CENPE: variants seen among roughly 807,000 people sequenced by gnomAD.
The protein encoded by CENPE is centromere-associated protein E.
In CENPE, 145 loss-of-function variants were observed where a neutral mutation model predicts 336.1. That is an observed-to-expected ratio of 0.43 (90% confidence interval 0.38 to 0.50). CENPE has a LOEUF of 0.50. Ranked by LOEUF, CENPE falls within the 20% of genes least tolerant of loss-of-function variation. CENPE has a pLI of 0.00. For missense variants in CENPE, 2,719 were observed against 3,023.3 expected (o/e 0.90, Z 2.36); for synonymous variants, 1,013 against 984.8 (o/e 1.03, Z -0.54).
In CENPE at chr4:103,147,489, T is replaced by A. The variant is rs376206224; in HGVS notation, c.4001A>T (p.Asn1334Ile). The change falls in exon 29 of 49, where the codon AAT becomes ATT. Residue 1334 changes from asparagine (N) to isoleucine (I), a missense_variant. Around this residue, in one of 5 missense-constraint regions of CENPE, gnomAD observed 2,437 missense variants for 2,513.3 expected, o/e 0.97. Transcript: ENST00000265148. ...ARIEMERLRL[N>I]EKFQESQEEI... ...TTCCTGACTTTCTTGAAATTTTTCA[T>A]TCAACCTGAGCCTTTCCATTTCTAT... The A allele has an allele frequency of 1.9e-6, 3 of 1,614,018 alleles. No homozygotes were observed. The highest frequency in any genetic ancestry group is 2.5e-6 in the Non-Finnish European group (3 of 1,180,024).
chr4:103,159,099 C>G lies in CENPE; in HGVS notation c.2512G>C (p.Glu838Gln). The part of the protein sequence containing the change: ...DFEQKYKMVL[E>Q]ENERMNQEIV... ...TCCTGATTCATTCTCTCATTCTCCT[C>G]AAGGACCATCTTATACTTTTGCTCA... The change falls in exon 22 of 49, where the codon GAG (glutamate) becomes CAG (glutamine). Residue 838 changes from glutamate (E) to glutamine (Q), a missense_variant. By Grantham distance (29) the Glu-to-Gln change is conservative. Around this residue, in one of 5 missense-constraint regions of CENPE, gnomAD observed 2,437 missense variants for 2,513.3 expected, o/e 0.97. Transcript: ENST00000265148. The G allele has an allele frequency of 1.3e-6, 2 of 1,590,698 alleles. No homozygotes were observed. Among genetic ancestry groups the G allele is most frequent in the Non-Finnish European group, 1.7e-6 (2 of 1,172,374 alleles).
intron 43 of CENPE, 48 bp downstream of exon 43, chr4:103,122,823 C>T: frequency 7.1e-7 from 1 of 1,404,966 alleles, no homozygotes; most frequent in Non-Finnish European, 1.0e-6. Context: ...GCTCTAAACT[C>T]TGTGATGAAG....
intron 44 of CENPE, 30 bp downstream of exon 44, chr4:103,120,118 A>G: frequency 6.6e-7 from 1 of 1,509,060 alleles, no homozygotes; most frequent in South Asian, 1.2e-5. Flanking sequence ...ACAAACAAAC[A>G]AACAACTTTT....
intron 26 of CENPE, among the ~76,000 whole-genome samples, chr4:103,150,164 A>T (rs1753418024): frequency 6.6e-6 from 1 of 152,314 alleles, no homozygotes; most frequent in African/African-American, 2.4e-5. Context: ...AAATACTGAG[A>T]CATTAACCTT....
intron 25 of CENPE, 76 bp downstream of exon 25, chr4:103,152,971 C>T: frequency 1.9e-6 from 2 of 1,048,526 alleles, no homozygotes; most frequent in South Asian, 1.6e-5. Context: ...ATAAATTATA[C>T]CTCAATAAAG....
intron 44 of CENPE, among the ~76,000 whole-genome samples, chr4:103,118,033 T>A (rs1217727045): frequency 6.6e-6 from 1 of 152,216 alleles, no homozygotes; most frequent in African/African-American, 2.4e-5. Flanking sequence ...ACAGCTGCTA[T>A]TAACATACAC....
At chr4:103,117,530 T>C (rs1750236700) in intron 44 of CENPE, among the ~76,000 whole-genome samples, 1 of 152,026 alleles carries the variant, frequency 6.6e-6, no homozygotes, top group Non-Finnish European at 1.5e-5. Context: ...TTTCTAAAAA[T>C]GTCATATACT....
At chr4:103,117,622 CTTTT>C (rs771337112) in intron 44 of CENPE, among the ~76,000 whole-genome samples, 1 of 115,062 alleles carries the variant, frequency 8.7e-6, no homozygotes, top group Non-Finnish European at 1.8e-5. Context: ...ATTTTCTTTC[CTTTT>C]TTTTTTTTTT....
chr4:103,191,636 C>G (rs530693231), intron 8 of CENPE, among the ~76,000 whole-genome samples: 3 of 83,080 alleles, frequency 3.6e-5, no homozygotes, highest in Non-Finnish European at 6.6e-5. Flanking sequence ...CATCACACAC[C>G]GGGGCCTGTT....
intron 28 of CENPE, 49 bp from the exon 29 acceptor site, chr4:103,147,695 A>AT: frequency 6.5e-7 from 1 of 1,530,610 alleles, no homozygotes; most frequent in Non-Finnish European, 8.8e-7. Context: ...GATTATGATC[A>AT]TAATTTTTTT....
At chr4:103,109,763 T>G (rs940535031) in intron 47 of CENPE, among the ~76,000 whole-genome samples, 3 of 152,270 alleles carry the variant, frequency 2.0e-5, no homozygotes, top group Admixed American at 6.5e-5. Context: ...TCTATAATGC[T>G]CTAGCAGCCA....
intron 42 of CENPE, among the ~76,000 whole-genome samples, chr4:103,123,840 T>C (rs766450607): frequency 3.3e-5 from 5 of 152,210 alleles, no homozygotes; most frequent in Non-Finnish European, 7.3e-5. Flanking sequence ...TAAGATTTAT[T>C]CATGGATTCA....
chr4:103,190,716 T>C (rs1244362290), intron 8 of CENPE, among the ~76,000 whole-genome samples: 2 of 152,140 alleles, frequency 1.3e-5, no homozygotes, highest in African/African-American at 4.8e-5. Context: ...GCAATACCAT[T>C]CAGGACATAG....
intron 20 of CENPE, 40 bp from the exon 21 acceptor site, chr4:103,160,819 C>T (rs759890702): frequency 2.0e-6 from 3 of 1,485,482 alleles, no homozygotes; most frequent in South Asian, 1.3e-5. Flanking sequence ...TCCAATGTTG[C>T]CAAACAGGTA....
intron 2 of CENPE, among the ~76,000 whole-genome samples, chr4:103,196,457 A>C (rs918063334): frequency 7.2e-5 from 11 of 152,194 alleles, no homozygotes; most frequent in Admixed American, 1.3e-4. Context: ...TTCACACACA[A>C]AAAATACACT....
chr4:103,172,864 A>T (rs1454011199), intron 16 of CENPE, among the ~76,000 whole-genome samples: 1 of 152,028 alleles, frequency 6.6e-6, no homozygotes, highest in African/African-American at 2.4e-5. Context: ...AAGAATTTGA[A>T]GAAGACACAA....
In CENPE at chr4:103,120,053, G is replaced by A. The variant is rs529099827; in HGVS notation, c.7329+95C>T. The A allele has an allele frequency of 3.8e-4, 327 of 850,778 alleles. 1 individual carries two copies. Among genetic ancestry groups the A allele is most frequent in the Non-Finnish European group, 1.2e-4 (66 of 559,694 alleles). The allele number at this position is 850,778 out of a possible 1,614,324, so 52.7% of individuals were successfully genotyped here. A position where few individuals can be genotyped will look rare whatever the true frequency, so the allele number is the denominator to read the frequency against. On this transcript the variant is annotated intron_variant, in intron 44 of 48. Coordinates refer to ENST00000265148, the MANE Select transcript of CENPE (RefSeq NM_001813.3). Reference sequence around the variant, plus strand: ...AACACATAGGTAACAGTAAGTTGTTGTGAGAGGGAAGAATAGAGCACAAGG... The same window carrying A: ...AACACATAGGTAACAGTAAGTTGTTATGAGAGGGAAGAATAGAGCACAAGG...
chr4:103,155,895 T>C (rs569801960), intron 24 of CENPE, among the ~76,000 whole-genome samples: 32 of 152,330 alleles, frequency 2.1e-4, no homozygotes, highest in Non-Finnish European at 4.3e-4. Context: ...TATTTAATAA[T>C]GTATTCTGTT....
chr4:103,195,595 G>T (rs1353899175), intron 4 of CENPE, among the ~76,000 whole-genome samples: 1 of 151,946 alleles, frequency 6.6e-6, no homozygotes, highest in African/African-American at 2.4e-5. Flanking sequence ...ACTTTCTACT[G>T]TTCCTTTATA....
Sources: allele counts gnomAD v4.1 joint callset (sites outside exome capture counted in the v4.1 genomes callset), GRCh38; gene constraint gnomAD v4.1.1; regional missense constraint gnomAD v4.1.1; transcripts MANE v1.5; gene names NCBI Gene and HGNC (gene_info 2026-07-23, HGNC 2026-07-21).